SLIT2: variants seen among roughly 807,000 people sequenced by gnomAD.
SLIT2 encodes the protein slit guidance ligand 2, also known as slit homolog 2 protein.
Under a neutral mutation model 185.7 loss-of-function variants are expected in SLIT2, and 41 were observed. That is an observed-to-expected ratio of 0.22 (90% CI 0.17 to 0.29). The LOEUF (loss-of-function observed/expected upper bound fraction) is 0.29. Among genes scored for constraint, SLIT2 ranks in the 10% least tolerant of loss-of-function variants. SLIT2 has a pLI of 1.00. For synonymous variants in SLIT2, 693 were observed against 680.2 expected, an observed-to-expected ratio of 1.02 and a Z score of -0.29; for missense variants, 1,571 against 1,909.0, an observed-to-expected ratio of 0.82 and a Z score of 3.30.
At chr4:20,461,696 C>G (rs1414425948) in intron 4 of SLIT2, among the ~76,000 whole-genome samples, 1 of 152,104 alleles carries the variant, frequency 6.6e-6, no homozygotes, top group East Asian at 1.9e-4. Context: ...GGTTTGGACG[C>G]AGATTGTAGA....
At chr4:20,316,394 T>C (rs1174594341) in intron 4 of SLIT2, among the ~76,000 whole-genome samples, 4 of 151,986 alleles carry the variant, frequency 2.6e-5, no homozygotes, top group Non-Finnish European at 4.4e-5. Context: ...TCACAGAAGA[T>C]ATTTACAAAA....
rs757958276 is a variant in SLIT2, at chr4:20,598,344, G to A, written c.3641G>A (p.Arg1214His). 34 of 1,613,914 alleles carry A rather than the reference G, an allele frequency of 2.1e-5. No homozygotes were observed. Among genetic ancestry groups the A allele is most frequent in the South Asian group, 1.9e-4 (17 of 91,068 alleles). ...ATCGCGGTAGAACTCTATCGGGGGC[G>A]TGTTCGTGCCAGCTATGACACCGGC... is the stretch of plus-strand genomic sequence containing the variant. ...DHIAVELYRG[R>H]VRASYDTGSH... The change falls in exon 33 of 37, where the codon CGT (arginine) becomes CAT (histidine). Residue 1214 changes from arginine (R) to histidine (H), a missense_variant. Arg to His is a conservative substitution (Grantham distance 29, BLOSUM62 0). Transcript: ENST00000504154.
rs747776989 is a variant in SLIT2, at chr4:20,568,958, C to G, written c.3042C>G (p.Val1014=). ...DNDCENNSTC[V]DGINNYTCLC... The stretch of plus-strand genomic sequence containing the variant: ...ACTGTGAAAATAATTCTACATGTGT[C>G]GATGGCATTAATAACTACACATGCC... Residue 1014 remains valine (V), a synonymous_variant, in exon 29 of 37, where the codon GTC becomes GTG. Transcript: ENST00000504154. The G allele has an allele frequency of 1.2e-6, 2 of 1,611,842 alleles. No individual in the cohort carries two copies. Among genetic ancestry groups the G allele is most frequent in the South Asian group, 1.1e-5 (1 of 91,008 alleles).
At chr4:20,368,724 C>A (rs1294363677) in intron 4 of SLIT2, among the ~76,000 whole-genome samples, 1 of 152,082 alleles carries the variant, frequency 6.6e-6, no homozygotes, top group Non-Finnish European at 1.5e-5. Flanking sequence ...GACAGGTGCT[C>A]TGAAAGCAGT....
At chr4:20,428,142 C>G (rs942846672) in intron 4 of SLIT2, among the ~76,000 whole-genome samples, 1 of 152,210 alleles carries the variant, frequency 6.6e-6, no homozygotes, top group Non-Finnish European at 1.5e-5. Context: ...TCCGTACTTA[C>G]AGCTCTTGGA....
intron 29 of SLIT2, among the ~76,000 whole-genome samples, chr4:20,586,834 A>T (rs1727104439): frequency 1.3e-5 from 2 of 152,170 alleles, no homozygotes; most frequent in African/African-American, 2.4e-5. Flanking sequence ...AAAGGTTGTT[A>T]TTAAAGCAAA....
chr4:20,546,293 G>A (rs1369957383), intron 22 of SLIT2, among the ~76,000 whole-genome samples, 194 bp downstream of exon 22: 2 of 152,056 alleles, frequency 1.3e-5, no homozygotes, highest in Non-Finnish European at 2.9e-5. Flanking sequence ...GAGTGTCTTA[G>A]CAAGAGGTCC....
chr4:20,254,944 A>G lies in SLIT2; in HGVS notation c.179+950A>G. On this transcript the variant is annotated intron_variant, in intron 1 of 36. Coordinates refer to ENST00000504154, the MANE Select transcript of SLIT2 (RefSeq NM_004787.4). The surrounding 1 kb of genome is among the most constrained non-coding windows in gnomAD (Gnocchi z 5.1). Reference sequence around the variant, plus strand: ...CTTTGCGAGTCTCTAATGAAGAAGTAAATGCAGACCCGGTGTTGACGGCCC... The same window carrying G: ...CTTTGCGAGTCTCTAATGAAGAAGTGAATGCAGACCCGGTGTTGACGGCCC... The G allele has an allele frequency of 4.4e-6, 2 of 456,308 alleles. No individual in the cohort carries two copies. Among genetic ancestry groups the G allele is most frequent in the Non-Finnish European group, 4.4e-6 (1 of 226,976 alleles). 28.3% of individuals were successfully genotyped at this position (456,308 alleles called of 1,614,324 possible).
At chr4:20,610,447 A>G (rs1485935527) in intron 34 of SLIT2, among the ~76,000 whole-genome samples, 1 of 152,226 alleles carries the variant, frequency 6.6e-6, no homozygotes, top group African/African-American at 2.4e-5. Flanking sequence ...TAGGTGATTT[A>G]TACATTATAT....
intron 14 of SLIT2, 107 bp from the exon 15 acceptor site, chr4:20,525,042 T>C (rs1021411161): frequency 8.9e-6 from 7 of 785,120 alleles, no homozygotes; most frequent in Non-Finnish European, 1.6e-5. Context: ...TATACATTTT[T>C]CACTTAATTG....
intron 4 of SLIT2, among the ~76,000 whole-genome samples, chr4:20,379,533 C>A (rs981960757): frequency 6.6e-6 from 1 of 151,980 alleles, no homozygotes; most frequent in African/African-American, 2.4e-5. Flanking sequence ...ATATCTAATC[C>A]TCCAGTTATA....
intron 32 of SLIT2, among the ~76,000 whole-genome samples, chr4:20,597,359 C>T (rs766095530): frequency 4.7e-4 from 72 of 152,176 alleles, no homozygotes; most frequent in African/African-American, 1.5e-3. Context: ...TGAGCCACTG[C>T]GCTCAGCCAA....
intron 4 of SLIT2, among the ~76,000 whole-genome samples, chr4:20,445,488 T>C (rs1302478196): frequency 6.6e-6 from 1 of 152,202 alleles, no homozygotes; most frequent in African/African-American, 2.4e-5. Flanking sequence ...GTCTCCTCTT[T>C]GTTAGACATT....
rs777784082 is a variant in SLIT2 at position 20,542,555 on chromosome 4, T to C, written c.2205T>C (p.Asp735=). ...SRCPTECTCL[D]TVVRCSNKGL... is the part of the protein sequence containing the mutation. ...GTCCTACTGAATGTACTTGCTTGGA[T>C]ACAGTCGTCCGATGTAGCAACAAGG... Residue 735 remains aspartate, a synonymous_variant, in exon 21 of 37, where the codon GAT becomes GAC. Transcript: ENST00000504154. 2 of 1,613,758 alleles carry C rather than the reference T, an allele frequency of 1.2e-6. No individual in the cohort carries two copies. Among genetic ancestry groups the C allele is most frequent in the East Asian group, 2.2e-5 (1 of 44,874 alleles).
chr4:20,619,036 G>T lies in SLIT2; in HGVS notation c.*27G>T. ...CACACTCCCGGCAGCTCTGTCTTTG[G>T]AAAAGGTTGTATACTTCTTGACCGT... is the stretch of plus-strand genomic sequence containing the variant. On this transcript the variant is annotated 3_prime_UTR_variant, in exon 37 of 37. Transcript: ENST00000504154. 1 of 1,601,308 alleles carries T rather than the reference G, an allele frequency of 6.2e-7. No individual in the cohort carries two copies. The highest frequency in any genetic ancestry group is 1.1e-5 in the South Asian group (1 of 90,410).
At chr4:20,548,259 C>T (rs191238353) in intron 22 of SLIT2, among the ~76,000 whole-genome samples, 14 of 152,166 alleles carry the variant, frequency 9.2e-5, no homozygotes, top group Admixed American at 9.2e-4. Context: ...TTGGCTAAAG[C>T]AATGCATATA....
At chr4:20,560,665 G>T (rs1309498623) in intron 26 of SLIT2, among the ~76,000 whole-genome samples, 1 of 151,840 alleles carries the variant, frequency 6.6e-6, no homozygotes, top group Non-Finnish European at 1.5e-5. Context: ...CTTGGTTCAG[G>T]AAGTTTTAGC....
intron 21 of SLIT2, among the ~76,000 whole-genome samples, chr4:20,544,070 T>C (rs1340084742): frequency 6.6e-6 from 1 of 151,990 alleles, no homozygotes; most frequent in African/African-American, 2.4e-5. Flanking sequence ...AAATACCTAA[T>C]GTAAATGGCA....
chr4:20,302,658 A>T (rs997932466), intron 4 of SLIT2, among the ~76,000 whole-genome samples: 2 of 152,158 alleles, frequency 1.3e-5, no homozygotes, highest in Admixed American at 1.3e-4. Context: ...GGTTAAGGAG[A>T]GGGTGTAACA....
Sources: allele counts gnomAD v4.1 joint callset (sites outside exome capture counted in the v4.1 genomes callset), GRCh38; gene constraint gnomAD v4.1.1; non-coding constraint Gnocchi (gnomAD v3.1); transcripts MANE v1.5; gene names NCBI Gene and HGNC (gene_info 2026-07-23, HGNC 2026-07-21).